The following HIBCH variants were observed in gnomAD, a reference collection of about 807,000 sequenced individuals.
HIBCH encodes 3-hydroxyisobutyryl-CoA hydrolase.
HIBCH carries 50 observed loss-of-function variants against 58.2 expected under a neutral mutation model. That is an observed-to-expected ratio of 0.86 (90% CI 0.68 to 1.09). The LOEUF is 1.09. HIBCH is among the 50% of genes least tolerant of loss of function. The probability of loss-of-function intolerance (pLI) is 0.00; values close to 1 mark genes in which losing one functional copy is unlikely to be tolerated. For synonymous variants in HIBCH, 151 were observed against 146.9 expected, an observed-to-expected ratio of 1.03 and a Z score of -0.20; for missense variants, 450 against 449.7, an observed-to-expected ratio of 1.00 and a Z score of -0.01.
At chr2:190,241,127 A>G (rs1482422302) in intron 11 of HIBCH, among the ~76,000 whole-genome samples, 3 of 152,180 alleles carry the variant, frequency 2.0e-5, no homozygotes, top group African/African-American at 4.8e-5. Flanking sequence ...GAAGGTCTCT[A>G]AAAACTTGCT....
chr2:190,192,344 G>T (rs541452263), intron 1 of HIBCH, among the ~76,000 whole-genome samples: 1 of 151,878 alleles, frequency 6.6e-6, no homozygotes, highest in African/African-American at 2.4e-5. Context: ...AATTACTGTA[G>T]CTTTATAGTC....
chr2:190,262,860 T>C (rs1350566616), intron 6 of HIBCH, among the ~76,000 whole-genome samples: 2 of 152,166 alleles, frequency 1.3e-5, no homozygotes, highest in African/African-American at 4.8e-5. Flanking sequence ...AAGTTATTAA[T>C]GAAAAACTAT....
At chr2:190,200,776 C>G (rs112120294), downstream of HIBCH, 3 of 167,630 alleles carry the variant, frequency 1.8e-5, no homozygotes, top group African/African-American at 7.2e-5. Flanking sequence ...GTGCCTAAAG[C>G]CATCTTAGAG....
rs9751201 is a variant in HIBCH, at chr2:190,225,983, C to T, written c.892-12908G>A. Among the ~76,000 whole-genome samples the T allele has an allele frequency of 6.1e-3, 916 of 150,734 alleles. 5 individuals carry two copies. The highest frequency in any genetic ancestry group is 0.021 in the African/African-American group (861 of 41,332). ...GGTTCAACATACACAAATCAATAAA[C>T]GTAACAGACCCAAGGACAAAAACCA... On this transcript the variant is annotated intron_variant, in intron 11 of 13. Transcript: ENST00000359678.
intron 11 of HIBCH, among the ~76,000 whole-genome samples, chr2:190,225,054 A>G (rs1685847214): frequency 6.6e-6 from 1 of 152,230 alleles, no homozygotes; most frequent in African/African-American, 2.4e-5. Flanking sequence ...CAGAAATAAG[A>G]TGTTCTTTGA....
In HIBCH at chr2:190,279,076, G is replaced by A. The variant is rs1409197716; in HGVS notation, c.438+8510C>T. Reference sequence around the variant, plus strand: ...AGGTTGAAGGGCCATATCTGTTGAGGGCCTTCTTGCTGGTGGGGACTCTCT... The same window carrying A: ...AGGTTGAAGGGCCATATCTGTTGAGAGCCTTCTTGCTGGTGGGGACTCTCT... On this transcript the variant is annotated intron_variant, in intron 6 of 13. Coordinates refer to ENST00000359678, the MANE Select transcript of HIBCH (RefSeq NM_014362.4). This position sits in a 1 kb window ranked among gnomAD's most constrained non-coding sequence, Gnocchi z 4.2. Among the ~76,000 whole-genome samples the A allele has an allele frequency of 6.6e-6, 1 of 152,164 alleles. No individual in the cohort carries two copies. Among genetic ancestry groups the A allele is most frequent in the Non-Finnish European group, 1.5e-5 (1 of 68,036 alleles).
At position 190,319,808 on chromosome 2, in the gene HIBCH, C is replaced by A. The variant is rs940080834; in HGVS notation, c.-58G>T. The A allele has an allele frequency of 6.3e-7, 1 of 1,582,454 alleles. No homozygotes were observed. The highest frequency in any genetic ancestry group is 1.3e-5 in the African/African-American group (1 of 74,374). Reference sequence around the variant, plus strand: ...GAGAATCTCCCGGACCGTTCCAGCGCCTCGCGTGAGCCCCGCCCACCGCCG... The same window carrying A: ...GAGAATCTCCCGGACCGTTCCAGCGACTCGCGTGAGCCCCGCCCACCGCCG... On this transcript the variant is annotated 5_prime_UTR_variant, in exon 1 of 14. Transcript: ENST00000359678.
At chr2:190,289,832 GT>G (rs552488459) in intron 5 of HIBCH, among the ~76,000 whole-genome samples, 1 of 152,190 alleles carries the variant, frequency 6.6e-6, no homozygotes, top group Non-Finnish European at 1.5e-5. Flanking sequence ...TGGAACCCAA[GT>G]TTTTTCCCCC....
At chr2:190,262,163 C>CAAAAAAAA (rs982653583) in intron 6 of HIBCH, among the ~76,000 whole-genome samples, 33 of 91,656 alleles carry the variant, frequency 3.6e-4, no homozygotes, top group East Asian at 1.0e-3. Flanking sequence ...GCGGTAGAGA[C>CAAAAAAAA]AAAAAAAAAA....
intron 4 of HIBCH, 135 bp from the exon 5 acceptor site, chr2:190,290,620 G>C (rs1575752558): frequency 1.5e-6 from 1 of 672,504 alleles, no homozygotes; most frequent in Non-Finnish European, 2.6e-6. Flanking sequence ...TTTTGAAGTT[G>C]CCCCTGCCAC....
chr2:190,316,658 C>G (rs1688715630), intron 1 of HIBCH, among the ~76,000 whole-genome samples: 1 of 152,140 alleles, frequency 6.6e-6, no homozygotes, highest in East Asian at 1.9e-4. Flanking sequence ...CTCCAGTTCA[C>G]CAGTCCCCCA....
At chr2:190,293,715 A>G (rs1045013279) in intron 4 of HIBCH, among the ~76,000 whole-genome samples, 2 of 151,936 alleles carry the variant, frequency 1.3e-5, no homozygotes, top group Admixed American at 6.6e-5. Context: ...ACAAACATAT[A>G]AAATTAAAAC....
intron 6 of HIBCH, among the ~76,000 whole-genome samples, chr2:190,273,877 A>G (rs1414316581): frequency 2.0e-5 from 3 of 151,940 alleles, no homozygotes; most frequent in African/African-American, 7.3e-5. Flanking sequence ...TGAGACAATC[A>G]TGGCTCACTG....
chr2:190,251,766 G>A (rs1251697781), intron 8 of HIBCH, among the ~76,000 whole-genome samples: 1 of 150,568 alleles, frequency 6.6e-6, no homozygotes, highest in East Asian at 1.9e-4. Flanking sequence ...TACTTTCAAT[G>A]CGCTAGGGAA....
chr2:190,238,834 G>A (rs188109539), intron 11 of HIBCH, among the ~76,000 whole-genome samples: 75 of 152,168 alleles, frequency 4.9e-4, no homozygotes, highest in South Asian at 1.5e-3. Flanking sequence ...TTTTTTTCTC[G>A]TAAATTTAAG....
Position 190,207,196 on chromosome 2 carries a change from G to A in HIBCH, c.1045+1684C>T, listed in dbSNP as rs1164772375. On this transcript the variant is annotated intron_variant, in intron 13 of 13. Transcript: ENST00000359678. This position sits in a 1 kb window ranked among gnomAD's most constrained non-coding sequence, Gnocchi z 4.5. ...TGAATCAGAACTTTGATGCTGATTG[G>A]TTTCAACATTTTTTCCTCAAAATAA... Among the ~76,000 whole-genome samples, 1 of 152,116 alleles carries A rather than the reference G, an allele frequency of 6.6e-6. No individual in the cohort carries two copies. Among genetic ancestry groups the A allele is most frequent in the East Asian group, 1.9e-4 (1 of 5,196 alleles).
chr2:190,311,021 C>G, intron 1 of HIBCH: 1 of 674,124 alleles, frequency 1.5e-6, no homozygotes, highest in Non-Finnish European at 2.7e-6. Context: ...AAAATGTGGA[C>G]GTAACCAAGA....
intron 11 of HIBCH, among the ~76,000 whole-genome samples, chr2:190,234,834 TA>T (rs545454077): frequency 1.1e-3 from 148 of 139,118 alleles, no homozygotes; most frequent in Middle Eastern, 3.6e-3. Flanking sequence ...AGCAAGACTC[TA>T]AAAAAAAAAA....
At chr2:190,263,293 C>A (rs1224929358) in intron 6 of HIBCH, among the ~76,000 whole-genome samples, 1 of 152,176 alleles carries the variant, frequency 6.6e-6, no homozygotes, top group African/African-American at 2.4e-5. Context: ...GTAGTCAAAT[C>A]TCATTTTTCA....
Sources: gnomAD v4.1 joint callset for allele counts (sites outside exome capture counted in the v4.1 genomes callset) on GRCh38, gnomAD v4.1.1 for gene constraint, Gnocchi (gnomAD v3.1) non-coding constraint, MANE v1.5 for transcripts, NCBI Gene and HGNC (gene_info 2026-07-23, HGNC 2026-07-21) for gene names.